The following SPAST variants were observed in gnomAD, a reference collection of about 807,000 sequenced individuals.
The protein encoded by SPAST is spastic paraplegia 4 (autosomal dominant; spastin).
SPAST carries 30 observed loss-of-function variants against 76.6 expected under a neutral mutation model. The observed-to-expected ratio is 0.39, with a 90% confidence interval of 0.29 to 0.53. SPAST has a LOEUF of 0.53. Among genes scored for constraint, SPAST ranks in the 20% least tolerant of loss-of-function variants. The pLI is 0.68. For synonymous variants in SPAST, 305 were observed against 281.0 expected (o/e 1.09, Z -0.86); for missense variants, 717 against 770.5 (o/e 0.93, Z 0.82).
chr2:32,145,010 A>G lies in SPAST; in HGVS notation c.1687+3A>G, dbSNP rs1243123614. On this transcript the variant is annotated splice_donor_region_variant and intron_variant, in intron 15 of 16. Transcript: ENST00000315285. ...TGCAGCACTGGGTCCTATCCGAGGT[A>G]GGTATACAAGAGCTTAAAACATTTA... is the stretch of plus-strand genomic sequence containing the variant. 6.2e-7 allele frequency: 1 copy of G among 1,605,080 alleles called. No homozygotes were observed. The highest frequency in any genetic ancestry group is 1.3e-5 in the African/African-American group (1 of 74,874).
intron 7 of SPAST, among the ~76,000 whole-genome samples, chr2:32,116,902 G>A (rs2148735221): frequency 6.6e-6 from 1 of 152,210 alleles, no homozygotes; most frequent in East Asian, 1.9e-4. Context: ...AGGAGGCAGA[G>A]GTTGCAGTGA....
chr2:32,097,426 G>A (rs3769604), intron 3 of SPAST, among the ~76,000 whole-genome samples: 64,422 of 151,916 alleles, frequency 0.42, 13,957 homozygotes, highest in East Asian at 0.64. Context: ...CCCTAGAGGC[G>A]GCTGTTATTA....
chr2:32,150,044 T>G (rs1208263707), intron 16 of SPAST, among the ~76,000 whole-genome samples: 1 of 151,704 alleles, frequency 6.6e-6, no homozygotes, highest in Admixed American at 6.6e-5. Context: ...TTTTTTTTTT[T>G]AAGAAAGCTT....
intron 1 of SPAST, among the ~76,000 whole-genome samples, chr2:32,084,631 A>T (rs965358805): frequency 1.3e-5 from 2 of 151,860 alleles, no homozygotes; most frequent in African/African-American, 4.8e-5. Flanking sequence ...CATGCCTGTA[A>T]TCCTAGCACT....
chr2:32,083,536 G>C (rs1677321575), intron 1 of SPAST, among the ~76,000 whole-genome samples: 1 of 150,298 alleles, frequency 6.7e-6, no homozygotes, highest in African/African-American at 2.4e-5. Flanking sequence ...GTGCATTGTT[G>C]TATCTTTGGA....
chr2:32,076,074 T>A (rs1676953176), intron 1 of SPAST, among the ~76,000 whole-genome samples: 1 of 151,548 alleles, frequency 6.6e-6, no homozygotes, highest in South Asian at 2.1e-4. Context: ...CTAATTTTTG[T>A]ATTTTTAATA....
At chr2:32,080,622 C>T (rs1429431957) in intron 1 of SPAST, among the ~76,000 whole-genome samples, 2 of 151,786 alleles carry the variant, frequency 1.3e-5, no homozygotes, top group African/African-American at 4.8e-5. Context: ...ATTTTGGAGG[C>T]CTTTTGTGCA....
intron 4 of SPAST, among the ~76,000 whole-genome samples, chr2:32,109,356 G>T (rs922666704): frequency 2.0e-5 from 3 of 151,872 alleles, no homozygotes; most frequent in Non-Finnish European, 2.9e-5. Flanking sequence ...TGATCCACCC[G>T]CCTCGGCCTC....
intron 2 of SPAST, among the ~76,000 whole-genome samples, chr2:32,088,512 C>T (rs907021652): frequency 7.9e-5 from 12 of 152,080 alleles, no homozygotes; most frequent in Non-Finnish European, 1.0e-4. Context: ...GGCGTGGTGT[C>T]GCGCACCTGT....
chr2:32,144,161 T>TC (rs1364079024), intron 14 of SPAST, among the ~76,000 whole-genome samples: 2 of 152,200 alleles, frequency 1.3e-5, no homozygotes, highest in Non-Finnish European at 2.9e-5. Context: ...AACTCTGAGT[T>TC]CCCAGATACC....
chr2:32,106,979 A>G (rs529537930), intron 4 of SPAST, among the ~76,000 whole-genome samples: 46 of 151,416 alleles, frequency 3.0e-4, no homozygotes, highest in Non-Finnish European at 5.7e-4. Context: ...TAATTCTACT[A>G]GGATAAATAG....
At chr2:32,114,951 A>G in intron 5 of SPAST, 126 bp downstream of exon 5, 1 of 682,768 alleles carries the variant, frequency 1.5e-6, no homozygotes, top group Non-Finnish European at 2.4e-6. Flanking sequence ...GTTTCCATAA[A>G]GTTAAATTTT....
rs1188570251 is a variant in SPAST, at chr2:32,156,996, A to G, written c.*2500A>G. 6.6e-6 allele frequency: 1 copy of G among 152,316 alleles called. No individual in the cohort carries two copies. The highest frequency in any genetic ancestry group is 1.5e-5 in the Non-Finnish European group (1 of 68,032). The allele number at this position is 152,316 out of a possible 1,614,324, so 9.4% of individuals were successfully genotyped here. On this transcript the variant is annotated 3_prime_UTR_variant, in exon 17 of 17. Transcript: ENST00000315285. ...GATAGAAGGGCCATGAAAATAGAGT[A>G]ATGATATAGTAGGAGATAAGGGATT...
chr2:32,146,453 C>T (rs541143765), intron 15 of SPAST, among the ~76,000 whole-genome samples: 6 of 152,098 alleles, frequency 3.9e-5, no homozygotes, highest in African/African-American at 7.2e-5. Context: ...CCCAGCTACT[C>T]GGGAGTCTGA....
At chr2:32,075,024 G>A (rs1233269042) in intron 1 of SPAST, among the ~76,000 whole-genome samples, 1 of 152,118 alleles carries the variant, frequency 6.6e-6, no homozygotes, top group Non-Finnish European at 1.5e-5. Context: ...ATTACAGCTA[G>A]AGGTTATGTT....
At chr2:32,103,791 T>C (rs1233645930) in intron 4 of SPAST, among the ~76,000 whole-genome samples, 4 of 152,226 alleles carry the variant, frequency 2.6e-5, no homozygotes, top group Non-Finnish European at 5.9e-5. Flanking sequence ...GTGAGTTTCT[T>C]AATCCTGAGT....
intron 1 of SPAST, among the ~76,000 whole-genome samples, chr2:32,067,037 AAGTC>A (rs1026361880): frequency 1.3e-5 from 2 of 151,772 alleles, no homozygotes; most frequent in Admixed American, 6.6e-5. Flanking sequence ...TAGGAAGAGA[AAGTC>A]AGAACATGCA....
intron 3 of SPAST, among the ~76,000 whole-genome samples, chr2:32,097,117 A>G (rs987697706): frequency 3.3e-5 from 5 of 152,300 alleles, no homozygotes; most frequent in Middle Eastern, 3.4e-3. Flanking sequence ...TTGCTGGTAC[A>G]GAAGAAAAGA....
intron 1 of SPAST, among the ~76,000 whole-genome samples, chr2:32,067,002 A>T (rs1017291086): frequency 4.7e-5 from 7 of 150,160 alleles, no homozygotes; most frequent in Admixed American, 4.0e-4. Context: ...ACCAAAAAAA[A>T]AAAAACTGTT....
Sources: gnomAD v4.1 joint callset for allele counts (sites outside exome capture counted in the v4.1 genomes callset) on GRCh38, gnomAD v4.1.1 for gene constraint, MANE v1.5 for transcripts, NCBI Gene and HGNC (gene_info 2026-07-23, HGNC 2026-07-21) for gene names.